The following CDCA2 variants were observed in gnomAD, a reference collection of about 807,000 sequenced individuals.
CDCA2 encodes the protein cell division cycle associated 2.
CDCA2 carries 44 observed loss-of-function variants against 67.0 expected under a neutral mutation model. That is an observed-to-expected ratio of 0.66 (90% CI 0.52 to 0.84). CDCA2 has a LOEUF of 0.84. CDCA2 is among the 40% of genes least tolerant of loss of function. The pLI is 0.00. For synonymous variants in CDCA2, 447 were observed against 418.7 expected (o/e 1.07, Z -0.82); for missense variants, 1,253 against 1,203.2 (o/e 1.04, Z -0.61).
In CDCA2 at chr8:25,488,577, G is replaced by A. The variant is rs753485932; in HGVS notation, c.1559G>A (p.Ser520Asn). The change falls in exon 13 of 15, where the codon AGT becomes AAT. Residue 520 changes from serine to asparagine, a missense_variant. By Grantham distance (46) the Ser-to-Asn change is conservative. Transcript: ENST00000330560. ...RNQLVSVVEE[S>N]VCNLLNTEVQ... ...CAATTGGTCAGTGTTGTAGAAGAGA[G>A]TGTTTGCAACTTATTGAATACAGAA... The A allele has an allele frequency of 1.2e-6, 2 of 1,611,438 alleles. No homozygotes were observed. The highest frequency in any genetic ancestry group is 4.5e-5 in the East Asian group (2 of 44,804).
chr8:25,491,947 A>G (rs1441488805), intron 13 of CDCA2, among the ~76,000 whole-genome samples: 1 of 152,012 alleles, frequency 6.6e-6, no homozygotes, highest in East Asian at 1.9e-4. Context: ...ACAGGAACGC[A>G]CCACCATGCT....
chr8:25,475,287 G>A (rs1283002871), intron 7 of CDCA2, among the ~76,000 whole-genome samples: 2 of 152,144 alleles, frequency 1.3e-5, no homozygotes, highest in African/African-American at 2.4e-5. Flanking sequence ...TCAGGAGGCC[G>A]AGGCAGGCAG....
chr8:25,470,252 A>G (rs1327203950), intron 7 of CDCA2, among the ~76,000 whole-genome samples: 1 of 152,220 alleles, frequency 6.6e-6, no homozygotes, highest in East Asian at 1.9e-4. Flanking sequence ...ATTCTTTGTT[A>G]TAGGAACACT....
Position 25,468,361 on chromosome 8 carries a change from A to G in CDCA2, c.683A>G (p.Asn228Ser), listed in dbSNP as rs755116526. Residue 228 changes from asparagine to serine, a missense_variant, in exon 6 of 15, where the codon AAT (asparagine) becomes AGT (serine). Asn to Ser is a conservative substitution (Grantham distance 46). Coordinates refer to ENST00000330560, the MANE Select transcript of CDCA2 (RefSeq NM_152562.4). ...EGKVIGLQIF[N>S]IDTDRACAVE... The stretch of plus-strand genomic sequence containing the variant: ...AAAGTAATTGGTCTCCAGATATTCA[A>G]TATTGATACAGACAGAGCATGTGCA... The G allele has an allele frequency of 7.4e-6, 12 of 1,613,756 alleles. No individual in the cohort carries two copies. The highest frequency in any genetic ancestry group is 5.3e-5 in the African/African-American group (4 of 74,914).
chr8:25,505,163 C>T (rs762744458), intron 14 of CDCA2, among the ~76,000 whole-genome samples: 1 of 151,978 alleles, frequency 6.6e-6, no homozygotes, highest in African/African-American at 2.4e-5. Context: ...CCTTCCTTCT[C>T]TAGTATGTTG....
chr8:25,467,767 T>C (rs528998126), intron 5 of CDCA2, among the ~76,000 whole-genome samples: 120 of 152,114 alleles, frequency 7.9e-4, no homozygotes, highest in Admixed American at 1.1e-3. Context: ...TAAAAAAGTG[T>C]GGTAGATTTT....
Position 25,506,786 on chromosome 8 carries a change from G to C in CDCA2, c.2120G>C (p.Gly707Ala). ...KSESENEPKA[G>A]TDSPVSCASV... is the part of the protein sequence containing the mutation. ...GAAAGTGAAAATGAACCAAAAGCTGGAACTGACAGTCCTGTTTCTTGTGCT... is the reference window on the plus strand; with the variant it reads ...GAAAGTGAAAATGAACCAAAAGCTGCAACTGACAGTCCTGTTTCTTGTGCT... The change falls in exon 15 of 15, where the codon GGA becomes GCA. Residue 707 changes from glycine (G) to alanine (A), a missense_variant. Coordinates refer to ENST00000330560, the MANE Select transcript of CDCA2 (RefSeq NM_152562.4). 1 of 1,613,884 alleles carries C rather than the reference G, an allele frequency of 6.2e-7. No individual in the cohort carries two copies. Among genetic ancestry groups the C allele is most frequent in the Non-Finnish European group, 8.5e-7 (1 of 1,179,972 alleles).
At position 25,480,011 on chromosome 8, in the gene CDCA2, G is replaced by A. The variant is rs1384367351; in HGVS notation, c.919G>A (p.Val307Ile). The stretch of plus-strand genomic sequence containing the variant: ...AGTGAGCTCAGACGCAGTCCCTGAT[G>A]TCAGGTCACCAGCTACTCCAGCCTG... Reference protein sequence around the residue: ...AEVSSDAVPDVRSPATPACRR... With the variant: ...AEVSSDAVPDIRSPATPACRR... The change falls in exon 8 of 15, where the codon GTC becomes ATC. Residue 307 changes from valine (V) to isoleucine (I), a missense_variant. Physicochemically the swap from Val to Ile is conservative, Grantham distance 29. Transcript: ENST00000330560. The A allele has an allele frequency of 2.5e-6, 4 of 1,614,036 alleles. No homozygotes were observed. The African/African-American group carries it at 4.0e-5, about 16-fold the overall frequency.
At chr8:25,501,371 A>G (rs191443735) in intron 13 of CDCA2, among the ~76,000 whole-genome samples, 2 of 152,312 alleles carry the variant, frequency 1.3e-5, no homozygotes, top group African/African-American at 4.8e-5. Context: ...TGTCACCCAA[A>G]TGACCTTTCT....
At chr8:25,472,395 G>C (rs753666901) in intron 7 of CDCA2, among the ~76,000 whole-genome samples, 20 of 151,966 alleles carry the variant, frequency 1.3e-4, no homozygotes, top group Non-Finnish European at 2.8e-4. Flanking sequence ...GGGATTACAG[G>C]TACCCGCCAC....
At chr8:25,491,986 C>T (rs572589077) in intron 13 of CDCA2, among the ~76,000 whole-genome samples, 6 of 149,690 alleles carry the variant, frequency 4.0e-5, no homozygotes, top group Admixed American at 1.3e-4. Flanking sequence ...TTAGTAAAGA[C>T]GGGGTTTCAC....
chr8:25,499,835 G>A (rs1207424097), intron 13 of CDCA2, among the ~76,000 whole-genome samples: 1 of 152,150 alleles, frequency 6.6e-6, no homozygotes, highest in Admixed American at 6.6e-5. Flanking sequence ...TTGATCAAAT[G>A]GCTTCCCCCG....
At chr8:25,465,485 C>A (rs947801240) in intron 4 of CDCA2, among the ~76,000 whole-genome samples, 2 of 152,114 alleles carry the variant, frequency 1.3e-5, no homozygotes, top group African/African-American at 4.8e-5. Flanking sequence ...ACTGGCACTT[C>A]TATCCCTGCT....
intron 7 of CDCA2, among the ~76,000 whole-genome samples, chr8:25,477,515 A>G (rs1803398009): frequency 6.6e-6 from 1 of 152,142 alleles, no homozygotes; most frequent in Non-Finnish European, 1.5e-5. Context: ...GCATTTCTGG[A>G]TTTTCAGGTT....
chr8:25,473,074 T>C (rs989891648), intron 7 of CDCA2, among the ~76,000 whole-genome samples: 2 of 152,230 alleles, frequency 1.3e-5, no homozygotes, highest in Non-Finnish European at 2.9e-5. Flanking sequence ...AATTCAACTT[T>C]GTTAGATTCC....
At position 25,466,182 on chromosome 8, in the gene CDCA2, C is replaced by G; in HGVS notation, c.395C>G (p.Pro132Arg). 1 of 1,609,558 alleles carries G rather than the reference C, an allele frequency of 6.2e-7. No homozygotes were observed. Among genetic ancestry groups the G allele is most frequent in the Non-Finnish European group, 8.5e-7 (1 of 1,178,992 alleles). ...LAQDSPSQGS[P>R]ALYRNVNTLR... is the part of the protein sequence containing the mutation. ...TATTTTGCACTTTCACAGGGCAGCCCTGCACTGTATCGAAATGTTAACACT... is the reference window on the plus strand; with the variant it reads ...TATTTTGCACTTTCACAGGGCAGCCGTGCACTGTATCGAAATGTTAACACT... The change falls in exon 5 of 15, where the codon CCT becomes CGT. Residue 132 changes from proline to arginine, a missense_variant. By Grantham distance (103) the Pro-to-Arg change is moderately radical. Coordinates refer to ENST00000330560, the MANE Select transcript of CDCA2 (RefSeq NM_152562.4).
chr8:25,468,305 C>A lies in CDCA2; in HGVS notation c.627C>A (p.Asp209Glu). The A allele has an allele frequency of 6.2e-7, 1 of 1,613,786 alleles. No homozygotes were observed. Among genetic ancestry groups the A allele is most frequent in the Non-Finnish European group, 8.5e-7 (1 of 1,179,830 alleles). Residue 209 changes from aspartate to glutamate, a missense_variant, in exon 6 of 15, where the codon GAC becomes GAA. Coordinates refer to ENST00000330560, the MANE Select transcript of CDCA2 (RefSeq NM_152562.4). ...GTCGGAGAATATCCTATCAGAGAGA[C>A]TCTGATGAAAATCTGACGGATGCTG... is the stretch of plus-strand genomic sequence containing the variant. ...SKRRRISYQR[D>E]SDENLTDAEG...
In CDCA2 at chr8:25,485,852, A is replaced by C. The variant is rs777858265; in HGVS notation, c.1444+15A>C. ...GACCCTTTCAGGTAGTAACTTGTTT[A>C]TCTTAAAATCATAAATGTCATTTTT... On this transcript the variant is annotated intron_variant, in intron 11 of 14. Coordinates refer to ENST00000330560, the MANE Select transcript of CDCA2 (RefSeq NM_152562.4). 16 of 1,444,298 alleles carry C rather than the reference A, an allele frequency of 1.1e-5. No homozygotes were observed. The Admixed American group carries it at 2.5e-4, about 23-fold the overall frequency. The allele number at this position is 1,444,298 out of a possible 1,614,324, so 89.5% of individuals were successfully genotyped here.
intron 13 of CDCA2, 144 bp downstream of exon 13, chr8:25,488,833 G>GT: frequency 1.4e-6 from 1 of 736,950 alleles, no homozygotes; most frequent in Non-Finnish European, 2.0e-6. Context: ...GTAGAATGGG[G>GT]TGGGGGGGTT....
Sources: allele counts gnomAD v4.1 joint callset (sites outside exome capture counted in the v4.1 genomes callset), GRCh38; gene constraint gnomAD v4.1.1; transcripts MANE v1.5; gene names NCBI Gene and HGNC (gene_info 2026-07-23, HGNC 2026-07-21).